HECW2: variants seen among roughly 807,000 people sequenced by gnomAD.
HECW2 encodes the protein E3 ubiquitin-protein ligase HECW2.
HECW2 carries 61 observed loss-of-function variants against 175.2 expected under a neutral mutation model. The ratio of observed to expected loss-of-function variants is 0.35; its 90% CI spans 0.28 to 0.43. HECW2 has a LOEUF of 0.43. HECW2 is among the 20% of genes least tolerant of loss of function. The pLI, the probability that HECW2 is intolerant of heterozygous loss-of-function variation, is 1.00. For synonymous variants in HECW2, 671 were observed against 731.0 expected, an observed-to-expected ratio of 0.92 and a Z score of 1.32; for missense variants, 1,524 against 2,000.5, an observed-to-expected ratio of 0.76 and a Z score of 4.54.
At chr2:196,365,499 C>T (rs902817573) in intron 2 of HECW2, among the ~76,000 whole-genome samples, 12 of 152,124 alleles carry the variant, frequency 7.9e-5, no homozygotes, top group African/African-American at 2.9e-4. Context: ...ACTTTTTCTT[C>T]GAACCCTGTG....
chr2:196,494,756 G>A (rs577032933), intron 1 of HECW2, among the ~76,000 whole-genome samples: 1 of 152,282 alleles, frequency 6.6e-6, no homozygotes, highest in East Asian at 1.9e-4. Context: ...TGACTATTAT[G>A]CAGGTTCAGG....
chr2:196,332,311 T>C (rs1333002906), intron 4 of HECW2, among the ~76,000 whole-genome samples: 1 of 152,196 alleles, frequency 6.6e-6, no homozygotes, highest in Non-Finnish European at 1.5e-5. Context: ...GTCATATACC[T>C]AGATGACCAT....
intron 17 of HECW2, among the ~76,000 whole-genome samples, chr2:196,261,829 C>T (rs1244647948): frequency 6.6e-6 from 1 of 152,088 alleles, no homozygotes; most frequent in Non-Finnish European, 1.5e-5. Context: ...AAGTGACTAA[C>T]GTCAACATTA....
At position 196,222,210 on chromosome 2, in the gene HECW2, C is replaced by A; in HGVS notation, c.4146+1G>T. On this transcript the variant is annotated splice_donor_variant, in intron 24 of 28. Transcript: ENST00000644978. LOFTEE classifies it high-confidence loss of function. Reference sequence around the variant, plus strand: ...GGCGCCAGGTGTGCAGATACACACACCTGCCCAAATACTTCTTCGTTCACA... The same window carrying A: ...GGCGCCAGGTGTGCAGATACACACAACTGCCCAAATACTTCTTCGTTCACA... 1 of 1,612,954 alleles carries A rather than the reference C, an allele frequency of 6.2e-7. No homozygotes were observed. Among genetic ancestry groups the A allele is most frequent in the Non-Finnish European group, 8.5e-7 (1 of 1,179,504 alleles).
intron 3 of HECW2, among the ~76,000 whole-genome samples, chr2:196,342,018 T>A (rs931091229): frequency 3.3e-4 from 51 of 152,302 alleles, no homozygotes; most frequent in Non-Finnish European, 5.0e-4. Context: ...CACATTCTCT[T>A]TTATATTAAA....
intron 1 of HECW2, among the ~76,000 whole-genome samples, chr2:196,525,660 T>C (rs1688613502): frequency 1.3e-5 from 2 of 150,766 alleles, no homozygotes; most frequent in African/African-American, 2.4e-5. Context: ...GGAGCTCTTT[T>C]AGGGCAGGCC....
At chr2:196,508,564 A>G (rs960442239) in intron 1 of HECW2, among the ~76,000 whole-genome samples, 2 of 152,192 alleles carry the variant, frequency 1.3e-5, no homozygotes, top group Non-Finnish European at 2.9e-5. Context: ...GTATAATAAG[A>G]AAGAACAGTA....
intron 1 of HECW2, among the ~76,000 whole-genome samples, chr2:196,451,489 G>A (rs1457125788): frequency 1.3e-5 from 2 of 151,204 alleles, no homozygotes; most frequent in Admixed American, 6.6e-5. Flanking sequence ...CAGAACTCAT[G>A]CTTTTCTCCT....
At chr2:196,347,352 G>A (rs180840805) in intron 2 of HECW2, among the ~76,000 whole-genome samples, 9 of 151,916 alleles carry the variant, frequency 5.9e-5, no homozygotes, top group South Asian at 2.1e-4. Flanking sequence ...AAGCCACCAC[G>A]CCTGGCTAAT....
rs1241394413 is a variant in HECW2 at position 196,318,959 on chromosome 2, G to T, written c.1931C>A (p.Ser644Tyr). 6.2e-7 allele frequency: 1 copy of T among 1,611,820 alleles called. No individual in the cohort carries two copies. The highest frequency in any genetic ancestry group is 8.5e-7 in the Non-Finnish European group (1 of 1,178,874). ...CTGCGTGGTCACACTCTCATTGCAG[G>T]AGCTGTCAGCGCATTCCAGGTCACT... ...GESDLECADS[S>Y]CNESVTTQLS... is the part of the protein sequence containing the mutation. The change falls in exon 9 of 29, where the codon TCC becomes TAC. Residue 644 changes from serine to tyrosine, a missense_variant. By Grantham distance (144) the Ser-to-Tyr change is moderately radical (BLOSUM62 -2). Coordinates refer to ENST00000644978, the MANE Select transcript of HECW2 (RefSeq NM_001348768.2).
chr2:196,575,724 G>C (rs775415766), intron 1 of HECW2, among the ~76,000 whole-genome samples: 14 of 152,168 alleles, frequency 9.2e-5, no homozygotes, highest in Admixed American at 6.5e-5. Context: ...TCTGCAGGCT[G>C]TACAAATAGC....
chr2:196,369,425 CT>C (rs1325580971), intron 2 of HECW2, among the ~76,000 whole-genome samples: 1 of 150,336 alleles, frequency 6.7e-6, no homozygotes, highest in African/African-American at 2.5e-5. Context: ...GACACATGGA[CT>C]CCTGTTGTCA....
intron 1 of HECW2, among the ~76,000 whole-genome samples, chr2:196,545,133 T>C (rs114792321): frequency 0.013 from 1,910 of 152,316 alleles, 39 homozygotes; most frequent in African/African-American, 0.044. Flanking sequence ...AGTCAAATAA[T>C]AGAGTGACAG....
At chr2:196,401,288 A>G (rs186808131) in intron 2 of HECW2, among the ~76,000 whole-genome samples, 1 of 152,352 alleles carries the variant, frequency 6.6e-6, no homozygotes, top group African/African-American at 2.4e-5. Context: ...AAGAAGTTAT[A>G]AACAATGAAT....
chr2:196,486,438 T>C (rs1438933434), intron 1 of HECW2, among the ~76,000 whole-genome samples: 1 of 152,156 alleles, frequency 6.6e-6, no homozygotes, highest in Non-Finnish European at 1.5e-5. Context: ...GCACTACAGA[T>C]GCAACCCCCC....
At chr2:196,509,853 T>G (rs747279935) in intron 1 of HECW2, among the ~76,000 whole-genome samples, 1 of 151,858 alleles carries the variant, frequency 6.6e-6, no homozygotes, top group Non-Finnish European at 1.5e-5. Context: ...AAAGCAGGAG[T>G]GGTCTTGGCA....
At chr2:196,234,700 C>T (rs1015085685) in intron 21 of HECW2, among the ~76,000 whole-genome samples, 26 of 150,242 alleles carry the variant, frequency 1.7e-4, no homozygotes, top group Admixed American at 1.3e-3. Context: ...CTGGAAAATA[C>T]GTAGAATAAT....
intron 13 of HECW2, among the ~76,000 whole-genome samples, chr2:196,295,163 G>C (rs1301800326): frequency 6.6e-6 from 1 of 152,156 alleles, no homozygotes; most frequent in Non-Finnish European, 1.5e-5. Flanking sequence ...GCAGTTGTGT[G>C]GTTCAGAGCA....
Position 196,223,141 on chromosome 2 carries a change from A to G in HECW2, c.4017-801T>C, listed in dbSNP as rs1447608571. Among the ~76,000 whole-genome samples the G allele has an allele frequency of 2.0e-5, 3 of 152,318 alleles. No homozygotes were observed. In the East Asian group the frequency reaches 5.8e-4, roughly 29 times the overall value. On this transcript the variant is annotated intron_variant, in intron 23 of 28. Coordinates refer to ENST00000644978, the MANE Select transcript of HECW2 (RefSeq NM_001348768.2). ...CAGACATCTGAATAGCTACTTGATG[A>G]ATAGTCACTACCCCCAGGAGCTAAT...
Sources: gnomAD v4.1 joint callset for allele counts (sites outside exome capture counted in the v4.1 genomes callset) on GRCh38, gnomAD v4.1.1 for gene constraint, MANE v1.5 for transcripts, NCBI Gene and HGNC (gene_info 2026-07-23, HGNC 2026-07-21) for gene names.